Variants in PPDPFL observed in about 807,000 individuals in gnomAD.
The protein encoded by PPDPFL is pancreatic progenitor cell differentiation and proliferation factor like, also known as pancreatic progenitor cell differentiation and proliferation factor-like protein.
A neutral mutation model predicts 12.6 loss-of-function variants in PPDPFL; 12 were observed. The ratio of observed to expected loss-of-function variants is 0.95; its 90% CI spans 0.61 to 1.54. The LOEUF is 1.54. PPDPFL is among the 40% of genes most tolerant of loss of function. The probability of loss-of-function intolerance (pLI) is 0.00; values close to 1 mark genes in which losing one functional copy is unlikely to be tolerated. For missense variants in PPDPFL, 114 were observed against 96.0 expected, an observed-to-expected ratio of 1.19 and a Z score of -0.78; for synonymous variants, 24 against 32.7, an observed-to-expected ratio of 0.73 and a Z score of 0.91.
chr8:49,067,319 C>T (rs1808314802), intron 1 of PPDPFL, among the ~76,000 whole-genome samples: 2 of 152,180 alleles, frequency 1.3e-5, no homozygotes, highest in African/African-American at 2.4e-5. Context: ...TACACATATT[C>T]ATTTGCAGCA....
At chr8:49,061,102 C>T (rs1808193288) in intron 1 of PPDPFL, among the ~76,000 whole-genome samples, 2 of 151,956 alleles carry the variant, frequency 1.3e-5, no homozygotes, top group Admixed American at 6.6e-5. Context: ...GGTGGGGACC[C>T]ATAGTCTTTG....
intron 4 of PPDPFL, chr8:49,074,551 ACTCAAGAGTG>A: frequency 5.9e-6 from 9 of 1,536,544 alleles, no homozygotes; most frequent in Non-Finnish European, 7.8e-6. Context: ...CAGTTCAATC[ACTCAAGAGTG>A]GTGGAGAAGT....
At chr8:49,070,709 G>A (rs991262223), upstream of PPDPFL, among the ~76,000 whole-genome samples, 11 of 152,106 alleles carry the variant, frequency 7.2e-5, no homozygotes, top group Non-Finnish European at 1.5e-4. Flanking sequence ...AGGTGAAGTA[G>A]ATATTTATTA....
At chr8:49,063,849 G>A (rs977528805) in intron 1 of PPDPFL, among the ~76,000 whole-genome samples, 1 of 152,156 alleles carries the variant, frequency 6.6e-6, no homozygotes, top group African/African-American at 2.4e-5. Flanking sequence ...GGGGAAGTCC[G>A]GAGAAAATCA....
rs1006594637 is a variant in PPDPFL, at chr8:49,075,373, T to G, written c.*200T>G. 6.3e-6 allele frequency: 7 copies of G among 1,103,076 alleles called. No homozygotes were observed. In the Admixed American group the frequency reaches 8.7e-5, roughly 14 times the overall value. The allele number at this position is 1,103,076 out of a possible 1,614,324, so 68.3% of individuals were successfully genotyped here. The stretch of plus-strand genomic sequence containing the variant: ...ACAGAAATGTGTCTGAGATCTCATT[T>G]ATGAGACAAGATCACAGCAGCCACT... On this transcript the variant is annotated 3_prime_UTR_variant, in exon 5 of 5. Coordinates refer to ENST00000522267, the MANE Select transcript of PPDPFL (RefSeq NM_001256597.2).
intron 1 of PPDPFL, among the ~76,000 whole-genome samples, chr8:49,059,683 A>C (rs1286218913): frequency 1.3e-5 from 2 of 152,230 alleles, no homozygotes; most frequent in Non-Finnish European, 2.9e-5. Context: ...ATAATACTTT[A>C]GAAAATTGTC....
intron 1 of PPDPFL, among the ~76,000 whole-genome samples, chr8:49,059,729 T>C (rs1468272256): frequency 1.3e-5 from 2 of 152,244 alleles, no homozygotes; most frequent in Non-Finnish European, 2.9e-5. Context: ...TGTGTCTTCC[T>C]GTACTTAACT....
upstream of PPDPFL, among the ~76,000 whole-genome samples, chr8:49,067,486 A>T (rs1027791178): frequency 2.0e-5 from 3 of 152,256 alleles, no homozygotes; most frequent in Non-Finnish European, 2.9e-5. Flanking sequence ...CTTCCAAGAC[A>T]GTCAGATATT....
rs1808480911 is a variant in PPDPFL at position 49,075,477 on chromosome 8, G to C, written c.*304G>C. The C allele has an allele frequency of 1.7e-6, 1 of 594,426 alleles. No individual in the cohort carries two copies. Among genetic ancestry groups the C allele is most frequent in the Admixed American group, 3.0e-5 (1 of 33,480 alleles). 36.8% of individuals were successfully genotyped at this position (594,426 alleles called of 1,614,324 possible). A position where few individuals can be genotyped will look rare whatever the true frequency, so the allele number is the denominator to read the frequency against. On this transcript the variant is annotated 3_prime_UTR_variant, in exon 5 of 5. Coordinates refer to ENST00000522267, the MANE Select transcript of PPDPFL (RefSeq NM_001256597.2). ...GGCACTTGCTACCTGGTGCATCTTTGAAAAGTGTGCCTTTAGAAACAAGAC... is the reference window on the plus strand; with the variant it reads ...GGCACTTGCTACCTGGTGCATCTTTCAAAAGTGTGCCTTTAGAAACAAGAC...
chr8:49,072,811 G>T lies in PPDPFL; in HGVS notation c.-20G>T. 6.3e-7 allele frequency: 1 copy of T among 1,589,692 alleles called. No individual in the cohort carries two copies. The highest frequency in any genetic ancestry group is 1.9e-5 in the Admixed American group (1 of 53,712). On this transcript the variant is annotated 5_prime_UTR_variant, in exon 2 of 5. Transcript: ENST00000522267. ...GATTAATGCTCACAGCTTCTTGGGTGCTTTCTCACGGGTAAAGCCATGGCA... is the reference window on the plus strand; with the variant it reads ...GATTAATGCTCACAGCTTCTTGGGTTCTTTCTCACGGGTAAAGCCATGGCA...
rs760334058 is a variant in PPDPFL, at chr8:49,074,115, G to C, written c.112G>C (p.Asp38His). The change falls in exon 3 of 5, where the codon GAT (aspartate) becomes CAT (histidine). Residue 38 changes from aspartate to histidine, a missense_variant. Transcript: ENST00000522267. ...TAGCTCTGATTCTGTTAACTTCATAGATGACGACAAACCACAGCAAGGTAC... is the reference window on the plus strand; with the variant it reads ...TAGCTCTGATTCTGTTAACTTCATACATGACGACAAACCACAGCAAGGTAC... The part of the protein sequence containing the change: ...LTSSDSVNFI[D>H]DDKPQQGLPE... 6.2e-7 allele frequency: 1 copy of C among 1,613,024 alleles called. No individual in the cohort carries two copies. Among genetic ancestry groups the C allele is most frequent in the South Asian group, 1.1e-5 (1 of 91,048 alleles).
At chr8:49,067,064 T>G (rs996237988) in intron 1 of PPDPFL, among the ~76,000 whole-genome samples, 1 of 152,218 alleles carries the variant, frequency 6.6e-6, no homozygotes, top group Non-Finnish European at 1.5e-5. Context: ...TGTAAAATCA[T>G]GACAATTAAT....
chr8:49,061,946 G>A (rs186349982), intron 1 of PPDPFL, among the ~76,000 whole-genome samples: 323 of 152,268 alleles, frequency 2.1e-3, no homozygotes, highest in African/African-American at 7.5e-3. Context: ...TACAACTACA[G>A]AAATGGCCAA....
intron 1 of PPDPFL, among the ~76,000 whole-genome samples, chr8:49,058,636 C>T (rs369519316): frequency 1.2e-4 from 19 of 152,310 alleles, no homozygotes; most frequent in African/African-American, 4.3e-4. Context: ...TAGCACATTG[C>T]TTGCAATGGA....
intron 1 of PPDPFL, among the ~76,000 whole-genome samples, chr8:49,058,001 G>C (rs928743313): frequency 6.6e-6 from 1 of 152,092 alleles, no homozygotes; most frequent in Admixed American, 6.6e-5. Flanking sequence ...TAAAGGCATA[G>C]GGGAGACAAA....
chr8:49,062,931 C>T (rs1231481117), intron 1 of PPDPFL, among the ~76,000 whole-genome samples: 1 of 152,120 alleles, frequency 6.6e-6, no homozygotes, highest in African/African-American at 2.4e-5. Flanking sequence ...GGGCTGGGTT[C>T]CCACGAGTAG....
intron 1 of PPDPFL, 148 bp from the exon 2 acceptor site, chr8:49,072,639 G>C: frequency 2.1e-6 from 1 of 466,112 alleles, no homozygotes; most frequent in Non-Finnish European, 3.8e-6. Flanking sequence ...AGTATATTTG[G>C]TTGAACTTTT....
Position 49,074,806 on chromosome 8 carries a change from C to T in PPDPFL, c.234-346C>T, listed in dbSNP as rs1311123243. The T allele has an allele frequency of 4.2e-5, 60 of 1,420,004 alleles. No individual in the cohort carries two copies. The South Asian group carries it at 9.1e-4, about 21-fold the overall frequency. 88.0% of individuals were successfully genotyped at this position (1,420,004 alleles called of 1,614,324 possible). A position where few individuals can be genotyped will look rare whatever the true frequency, so the allele number is the denominator to read the frequency against. ...TTTTCAGACATTTTGAACTCAAACA[C>T]ACTGACTAGCACAGTTGTAATTTAA... On this transcript the variant is annotated intron_variant, in intron 4 of 4. Transcript: ENST00000522267.
intron 1 of PPDPFL, among the ~76,000 whole-genome samples, chr8:49,061,104 T>C (rs1808193354): frequency 6.6e-6 from 1 of 152,000 alleles, no homozygotes; most frequent in East Asian, 1.9e-4. Flanking sequence ...TGGGGACCCA[T>C]AGTCTTTGGC....
Sources: allele counts gnomAD v4.1 joint callset (sites outside exome capture counted in the v4.1 genomes callset), GRCh38; gene constraint gnomAD v4.1.1; transcripts MANE v1.5; gene names NCBI Gene and HGNC (gene_info 2026-07-23, HGNC 2026-07-21).